ROR2: variants seen among roughly 807,000 people sequenced by gnomAD.
The protein encoded by ROR2 is tyrosine-protein kinase transmembrane receptor ROR2.
In ROR2, 33 loss-of-function variants were observed where a neutral mutation model predicts 74.9. The observed-to-expected ratio is 0.44, with a 90% CI of 0.33 to 0.59. The LOEUF (loss-of-function observed/expected upper bound fraction) is 0.59. Among genes scored for constraint, ROR2 ranks in the 20% least tolerant of loss-of-function variants. The pLI, the probability that ROR2 is intolerant of heterozygous loss-of-function variation, is 0.02. For missense variants in ROR2, 1,216 were observed against 1,313.8 expected, an observed-to-expected ratio of 0.93 and a Z score of 1.15; for synonymous variants, 586 against 558.7, an observed-to-expected ratio of 1.05 and a Z score of -0.69.
At chr9:91,927,425 G>A (rs990155647) in intron 1 of ROR2, among the ~76,000 whole-genome samples, 4 of 152,202 alleles carry the variant, frequency 2.6e-5, no homozygotes, top group African/African-American at 9.7e-5. Flanking sequence ...TCCAAAGCCA[G>A]AGGACCCTGA....
At chr9:91,811,771 G>A (rs1827758439) in intron 1 of ROR2, among the ~76,000 whole-genome samples, 1 of 152,200 alleles carries the variant, frequency 6.6e-6, no homozygotes, top group African/African-American at 2.4e-5. Flanking sequence ...TCTCAGAGTG[G>A]TCCCTCACAG....
chr9:91,942,368 AACAAGG>A (rs1371933703), intron 1 of ROR2, among the ~76,000 whole-genome samples: 2 of 152,184 alleles, frequency 1.3e-5, no homozygotes, highest in Admixed American at 6.5e-5. Flanking sequence ...GTCCCTTGCC[AACAAGG>A]AATCTGTGGG....
intron 1 of ROR2, among the ~76,000 whole-genome samples, chr9:91,875,749 GAC>G (rs1304630121): frequency 6.6e-6 from 1 of 152,140 alleles, no homozygotes; most frequent in Non-Finnish European, 1.5e-5. Context: ...CAAGTCAACA[GAC>G]ACATAGCACA....
chr9:91,765,764 G>A (rs1032387605), intron 2 of ROR2, among the ~76,000 whole-genome samples: 4 of 152,206 alleles, frequency 2.6e-5, no homozygotes, highest in African/African-American at 9.6e-5. Flanking sequence ...TGGTTCTGTA[G>A]AGCCCATGGG....
chr9:91,938,558 G>A (rs1330829366), intron 1 of ROR2, among the ~76,000 whole-genome samples: 3 of 152,192 alleles, frequency 2.0e-5, no homozygotes, highest in Admixed American at 6.5e-5. Flanking sequence ...GGAGGTGGAG[G>A]CTACAGTGAG....
chr9:91,932,816 G>A (rs1406889973), intron 1 of ROR2, among the ~76,000 whole-genome samples: 1 of 152,148 alleles, frequency 6.6e-6, no homozygotes, highest in African/African-American at 2.4e-5. Context: ...TTGGCCTGGT[G>A]GACAATTGTT....
At chr9:91,791,050 C>T (rs543291083) in intron 1 of ROR2, among the ~76,000 whole-genome samples, 25 of 152,194 alleles carry the variant, frequency 1.6e-4, no homozygotes, top group African/African-American at 5.5e-4. Context: ...AACAGTCTAG[C>T]CTAAGTGTCC....
intron 1 of ROR2, among the ~76,000 whole-genome samples, chr9:91,889,534 C>T (rs1037817783): frequency 6.6e-6 from 1 of 152,184 alleles, no homozygotes; most frequent in Non-Finnish European, 1.5e-5. Context: ...TGGACCCGGA[C>T]AGACCCCCTC....
rs374748836 is a variant in ROR2 at position 91,724,663 on chromosome 9, C to T, written c.1831G>A (p.Val611Met). ...AGMEYLSSHH[V>M]VHKDLATRNV... Reference sequence around the variant, plus strand: ...CGGGTGGCCAGGTCCTTGTGAACCACGTGGTGGCTGGATAGGTACTCCATC... The same window carrying T: ...CGGGTGGCCAGGTCCTTGTGAACCATGTGGTGGCTGGATAGGTACTCCATC... Residue 611 changes from valine (V) to methionine (M), a missense_variant, in exon 9 of 9, where the codon GTG becomes ATG. Physicochemically the swap from Val to Met is conservative, Grantham distance 21 (BLOSUM62 1). Transcript: ENST00000375708. 5.6e-5 allele frequency: 90 copies of T among 1,614,082 alleles called. No individual in the cohort carries two copies. Among genetic ancestry groups the T allele is most frequent in the Admixed American group, 1.2e-4 (7 of 60,006 alleles).
chr9:91,835,022 G>T (rs1828569735), intron 1 of ROR2, among the ~76,000 whole-genome samples: 1 of 150,976 alleles, frequency 6.6e-6, no homozygotes, highest in East Asian at 2.0e-4. Context: ...GTGGGCCAGG[G>T]ATGAGGAGCC....
chr9:91,751,591 GAACT>G (rs1283807412), intron 4 of ROR2, among the ~76,000 whole-genome samples: 1 of 152,098 alleles, frequency 6.6e-6, no homozygotes, highest in East Asian at 1.9e-4. Context: ...TAAAAATAGA[GAACT>G]AATAGAAACT....
At chr9:91,907,459 T>A (rs1830849697) in intron 1 of ROR2, among the ~76,000 whole-genome samples, 1 of 152,222 alleles carries the variant, frequency 6.6e-6, no homozygotes, top group Admixed American at 6.5e-5. Context: ...AATTTCTTTT[T>A]AGGATATCAG....
intron 1 of ROR2, among the ~76,000 whole-genome samples, chr9:91,846,043 G>A (rs1018926379): frequency 6.6e-6 from 1 of 152,004 alleles, no homozygotes; most frequent in Non-Finnish European, 1.5e-5. Context: ...ACTCACACAG[G>A]GAGCCACTGG....
At chr9:91,842,886 A>T (rs1563994036) in intron 1 of ROR2, among the ~76,000 whole-genome samples, 1 of 152,232 alleles carries the variant, frequency 6.6e-6, no homozygotes, top group Non-Finnish European at 1.5e-5. Flanking sequence ...GCATCCCCTC[A>T]AGAGGTGTCT....
At chr9:91,860,968 C>T (rs1419759647) in intron 1 of ROR2, among the ~76,000 whole-genome samples, 1 of 151,874 alleles carries the variant, frequency 6.6e-6, no homozygotes. Flanking sequence ...TAGCAATAAA[C>T]GATGTGAAAA....
intron 1 of ROR2, among the ~76,000 whole-genome samples, chr9:91,879,612 T>A (rs1253285120): frequency 6.6e-6 from 1 of 152,140 alleles, no homozygotes; most frequent in Non-Finnish European, 1.5e-5. Context: ...ACTCACGCAC[T>A]TATGCAGGTA....
intron 1 of ROR2, among the ~76,000 whole-genome samples, chr9:91,791,753 C>G (rs1826987108): frequency 6.7e-6 from 1 of 149,430 alleles, no homozygotes; most frequent in Non-Finnish European, 1.5e-5. Context: ...GAACAGAACA[C>G]TCGACCCAAG....
intron 1 of ROR2, among the ~76,000 whole-genome samples, chr9:91,776,824 A>G (rs1319419013): frequency 2.1e-5 from 3 of 144,464 alleles, no homozygotes; most frequent in Admixed American, 2.0e-4. Flanking sequence ...ATATACACAC[A>G]TCGAAAAGAG....
intron 1 of ROR2, among the ~76,000 whole-genome samples, chr9:91,823,049 A>T (rs1347826078): frequency 6.6e-6 from 1 of 152,224 alleles, no homozygotes; most frequent in Non-Finnish European, 1.5e-5. Flanking sequence ...AAAGGTAAGA[A>T]CAAAAAGGAA....
Sources: gnomAD v4.1 joint callset for allele counts (sites outside exome capture counted in the v4.1 genomes callset) on GRCh38, gnomAD v4.1.1 for gene constraint, MANE v1.5 for transcripts, NCBI Gene and HGNC (gene_info 2026-07-23, HGNC 2026-07-21) for gene names.